The following SGCZ variants were observed in gnomAD, a reference collection of about 807,000 sequenced individuals.
SGCZ encodes the protein zeta-sarcoglycan.
Under a neutral mutation model 41.3 loss-of-function variants are expected in SGCZ, and 40 were observed. That is an observed-to-expected ratio of 0.97 (90% CI 0.75 to 1.26). SGCZ has a LOEUF of 1.26. SGCZ is among the 50% of genes most tolerant of loss of function. SGCZ has a pLI of 0.00. For missense variants in SGCZ, 552 were observed against 369.8 expected (o/e 1.49, Z -4.04); for synonymous variants, 206 against 137.5 (o/e 1.50, Z -3.49).
chr8:14,485,428 G>T (rs947529931), intron 2 of SGCZ, among the ~76,000 whole-genome samples: 1 of 152,014 alleles, frequency 6.6e-6, no homozygotes, highest in African/African-American at 2.4e-5. Context: ...AGTAGAGATG[G>T]TGTTTCACCT....
intron 4 of SGCZ, among the ~76,000 whole-genome samples, chr8:14,177,120 A>G (rs1409670317): frequency 6.6e-6 from 1 of 152,124 alleles, no homozygotes; most frequent in African/African-American, 2.4e-5. Flanking sequence ...GTGGTCAGCA[A>G]CATGCCTGTG....
chr8:14,799,865 C>A (rs1220141903), intron 1 of SGCZ, among the ~76,000 whole-genome samples: 2 of 152,024 alleles, frequency 1.3e-5, no homozygotes, highest in Non-Finnish European at 2.9e-5. Context: ...GCATTGGCTT[C>A]TTTTACTAGA....
intron 2 of SGCZ, among the ~76,000 whole-genome samples, chr8:14,527,938 C>A (rs1352172809): frequency 1.3e-5 from 2 of 151,954 alleles, no homozygotes; most frequent in Admixed American, 6.6e-5. Context: ...CATGCAAAAA[C>A]ATACTGTGAG....
chr8:14,363,023 G>A (rs1330163385), intron 2 of SGCZ, among the ~76,000 whole-genome samples: 1 of 152,022 alleles, frequency 6.6e-6, no homozygotes, highest in South Asian at 2.1e-4. Context: ...ATATGTGGAT[G>A]ACAATTTTGT....
In SGCZ at chr8:14,854,065, A is replaced by G. The variant is rs190436886; in HGVS notation, c.40-299139T>C. ...TATATATATATATATATCCTTTTGT[A>G]TATATATTCTAATTTTATATACTCT... is the stretch of plus-strand genomic sequence containing the variant. On this transcript the variant is annotated intron_variant, in intron 1 of 7. Coordinates refer to ENST00000382080, the MANE Select transcript of SGCZ (RefSeq NM_139167.4). Among the ~76,000 whole-genome samples, 7 of 126,164 alleles carry G rather than the reference A, an allele frequency of 5.5e-5. No individual in the cohort carries two copies. The East Asian group carries it at 1.7e-3, about 31-fold the overall frequency. 82.8% of individuals were successfully genotyped at this position (126,164 alleles called of 152,430 possible). A position where few individuals can be genotyped will look rare whatever the true frequency, so the allele number is the denominator to read the frequency against.
intron 4 of SGCZ, among the ~76,000 whole-genome samples, chr8:14,232,556 G>A (rs570098856): frequency 9.1e-4 from 138 of 151,782 alleles, no homozygotes; most frequent in Non-Finnish European, 1.8e-3. Flanking sequence ...TTATAATTAA[G>A]ATTTTTATAC....
intron 1 of SGCZ, among the ~76,000 whole-genome samples, chr8:14,712,986 G>A (rs1585202083): frequency 6.6e-6 from 1 of 152,028 alleles, no homozygotes; most frequent in Non-Finnish European, 1.5e-5. Context: ...GGACATCCAG[G>A]TGACAAATGT....
At chr8:14,741,586 C>A (rs1799199938) in intron 1 of SGCZ, among the ~76,000 whole-genome samples, 1 of 151,930 alleles carries the variant, frequency 6.6e-6, no homozygotes, top group Non-Finnish European at 1.5e-5. Flanking sequence ...TACAGAACTG[C>A]TAAATGTATA....
chr8:14,810,327 T>G (rs1443638581), intron 1 of SGCZ, among the ~76,000 whole-genome samples: 1 of 152,064 alleles, frequency 6.6e-6, no homozygotes, highest in African/African-American at 2.4e-5. Flanking sequence ...CTATAGATAT[T>G]TGAAGCAATG....
chr8:15,054,680 C>T (rs1037539096), intron 1 of SGCZ, among the ~76,000 whole-genome samples: 2 of 152,040 alleles, frequency 1.3e-5, no homozygotes, highest in African/African-American at 4.8e-5. Context: ...TGTAGCCGGG[C>T]GCAGTGGCTC....
At chr8:14,229,419 A>G (rs1806484250) in intron 4 of SGCZ, among the ~76,000 whole-genome samples, 1 of 152,090 alleles carries the variant, frequency 6.6e-6, no homozygotes, top group Non-Finnish European at 1.5e-5. Context: ...TATCACAGGC[A>G]TCTACTTCAA....
intron 1 of SGCZ, among the ~76,000 whole-genome samples, chr8:15,113,494 A>T (rs897274582): frequency 6.6e-6 from 1 of 152,044 alleles, no homozygotes. Context: ...TCCTCTCAAT[A>T]ACTAACTCAT....
chr8:15,038,166 G>T (rs1216522768), intron 1 of SGCZ, among the ~76,000 whole-genome samples: 1 of 151,960 alleles, frequency 6.6e-6, no homozygotes. Context: ...TGAGCAAAAA[G>T]AATAAATCTG....
intron 2 of SGCZ, among the ~76,000 whole-genome samples, chr8:14,510,447 A>C (rs1307662479): frequency 6.6e-6 from 1 of 152,158 alleles, no homozygotes. Flanking sequence ...CCTGTAGAAA[A>C]AAAAAACAAA....
At chr8:15,143,718 T>A (rs1012199238) in intron 1 of SGCZ, among the ~76,000 whole-genome samples, 1 of 152,208 alleles carries the variant, frequency 6.6e-6, no homozygotes, top group African/African-American at 2.4e-5. Flanking sequence ...TGTTTCCTTA[T>A]AATTTAGTTA....
chr8:14,252,698 A>G (rs1365645), intron 3 of SGCZ, among the ~76,000 whole-genome samples: 101,690 of 151,958 alleles, frequency 0.67, 34,436 homozygotes, highest in South Asian at 0.79. Context: ...CAAAATTTTC[A>G]AGAGGCTCAA....
At chr8:14,362,382 C>G (rs1304481383) in intron 2 of SGCZ, among the ~76,000 whole-genome samples, 1 of 152,158 alleles carries the variant, frequency 6.6e-6, no homozygotes, top group Non-Finnish European at 1.5e-5. Flanking sequence ...ATAGAACTGC[C>G]TACTCAAGCC....
chr8:14,689,584 T>C (rs949103363), intron 1 of SGCZ, among the ~76,000 whole-genome samples: 3 of 152,166 alleles, frequency 2.0e-5, no homozygotes, highest in Non-Finnish European at 4.4e-5. Context: ...AAATTCTAGA[T>C]TTAGTGAATT....
intron 1 of SGCZ, among the ~76,000 whole-genome samples, chr8:14,868,966 A>C (rs183048831): frequency 6.6e-6 from 1 of 152,224 alleles, no homozygotes; most frequent in Admixed American, 6.5e-5. Context: ...CAACCAAAAA[A>C]AGCCCAGGAC....
Sources: gnomAD v4.1 joint callset for allele counts (sites outside exome capture counted in the v4.1 genomes callset) on GRCh38, gnomAD v4.1.1 for gene constraint, MANE v1.5 for transcripts, NCBI Gene and HGNC (gene_info 2026-07-23, HGNC 2026-07-21) for gene names.